STAU1: variants seen among roughly 807,000 people sequenced by gnomAD.
STAU1 encodes double-stranded RNA-binding protein Staufen homolog 1.
A neutral mutation model predicts 62.9 loss-of-function variants in STAU1; 13 were observed. The observed-to-expected ratio is 0.21, with a 90% CI of 0.13 to 0.33. STAU1 has a LOEUF of 0.33. Ranked by LOEUF, STAU1 falls within the 10% of genes least tolerant of loss-of-function variation. The pLI, the probability that STAU1 is intolerant of heterozygous loss-of-function variation, is 1.00. For synonymous variants in STAU1, 269 were observed against 265.1 expected (o/e 1.01, Z -0.14); for missense variants, 571 against 712.1 (o/e 0.80, Z 2.25).
Position 49,123,811 on chromosome 20 carries a change from T to C in STAU1, c.822+564A>G, listed in dbSNP as rs142593570. 2.1e-3 allele frequency among the ~76,000 whole-genome samples: 320 copies of C among 152,294 alleles called. 1 individual carries two copies. The highest frequency in any genetic ancestry group is 7.0e-3 in the African/African-American group (291 of 41,564). On this transcript the variant is annotated intron_variant, in intron 7 of 13. Transcript: ENST00000371856. ...TAGTATGCTTTTATGTAAGAAAAAT[T>C]TGGATCTTGATACAGCATGAAACTA...
chr20:49,209,187 G>A, the STAU1 span, among the ~76,000 whole-genome samples: 6 of 151,232 alleles, frequency 4.0e-5, no homozygotes, highest in Non-Finnish European at 5.9e-5. Context: ...TGCCTGCCTC[G>A]GCCTTCCAAA....
the STAU1 span, among the ~76,000 whole-genome samples, chr20:49,208,016 G>A: frequency 6.6e-6 from 1 of 151,982 alleles, no homozygotes; most frequent in African/African-American, 2.4e-5. Context: ...GAGTAGCTGC[G>A]ATTACAGGTG....
At chr20:49,115,571 G>A (rs989601749) in intron 13 of STAU1, among the ~76,000 whole-genome samples, 2 of 152,138 alleles carry the variant, frequency 1.3e-5, no homozygotes, top group Admixed American at 6.5e-5. Context: ...AAAGTGCTGG[G>A]ATTACAGGTG....
intron 3 of STAU1, 45 bp downstream of exon 3, chr20:49,165,952 T>C: frequency 6.3e-7 from 1 of 1,597,248 alleles, no homozygotes; most frequent in Non-Finnish European, 8.6e-7. Context: ...GAAAACAGGG[T>C]AAGAAAACAT....
intron 1 of STAU1, among the ~76,000 whole-genome samples, chr20:49,183,657 A>C (rs1254718374): frequency 6.6e-6 from 1 of 152,150 alleles, no homozygotes; most frequent in East Asian, 1.9e-4. Context: ...TTTTGATAAC[A>C]CCCAGAATGA....
intron 9 of STAU1, among the ~76,000 whole-genome samples, chr20:49,119,292 C>T (rs2092409542): frequency 6.6e-6 from 1 of 152,148 alleles, no homozygotes; most frequent in East Asian, 1.9e-4. Context: ...CTCAATCCTC[C>T]CATCTCAGCC....
chr20:49,159,143 A>C, intron 3 of STAU1: 1 of 1,078,868 alleles, frequency 9.3e-7, no homozygotes, highest in Non-Finnish European at 1.1e-6. Flanking sequence ...TGAAGGGGAA[A>C]AAGCTAAAAA....
intron 3 of STAU1, chr20:49,158,321 T>G (rs2093396313): frequency 1.5e-6 from 1 of 679,698 alleles, no homozygotes; most frequent in South Asian, 1.7e-5. Context: ...TTTATTCTTC[T>G]GATGTAATCA....
At chr20:49,121,988 G>A (rs188209133) in intron 8 of STAU1, among the ~76,000 whole-genome samples, 347 of 152,234 alleles carry the variant, frequency 2.3e-3, no homozygotes, top group Non-Finnish European at 3.3e-3. Flanking sequence ...TTTCATCTTG[G>A]GCAAACTACT....
intron 1 of STAU1, among the ~76,000 whole-genome samples, chr20:49,185,850 T>C (rs2093779694): frequency 6.6e-6 from 1 of 152,098 alleles, no homozygotes; most frequent in South Asian, 2.1e-4. Context: ...TTATACTGCT[T>C]GTATAGTTGT....
At chr20:49,129,458 T>C (rs2092705957) in intron 6 of STAU1, among the ~76,000 whole-genome samples, 1 of 151,200 alleles carries the variant, frequency 6.6e-6, no homozygotes, top group South Asian at 2.1e-4. Context: ...CACCTAATTT[T>C]TGTATTTTTA....
the STAU1 span, among the ~76,000 whole-genome samples, chr20:49,213,138 T>C: frequency 6.6e-6 from 1 of 152,108 alleles, no homozygotes; most frequent in African/African-American, 2.4e-5. Context: ...CCTGAGTAGC[T>C]GGGATTATAG....
upstream of STAU1, among the ~76,000 whole-genome samples, chr20:49,189,162 C>A (rs1278461659): frequency 5.9e-5 from 7 of 119,076 alleles, no homozygotes; most frequent in Non-Finnish European, 1.1e-4. Context: ...GAGATCGCGC[C>A]GCTGCACTCC....
upstream of STAU1, among the ~76,000 whole-genome samples, chr20:49,188,896 G>T (rs1055759834): frequency 6.6e-6 from 1 of 151,980 alleles, no homozygotes; most frequent in Non-Finnish European, 1.5e-5. Context: ...ATTGAAAAAT[G>T]TGTAGTGAGA....
chr20:49,195,374 A>G, the STAU1 span, among the ~76,000 whole-genome samples: 1 of 151,396 alleles, frequency 6.6e-6, no homozygotes, highest in African/African-American at 2.4e-5. Flanking sequence ...CGTCTCCACT[A>G]AAAATACAAA....
chr20:49,138,493 C>A (rs542485281), intron 5 of STAU1, among the ~76,000 whole-genome samples: 1 of 152,134 alleles, frequency 6.6e-6, no homozygotes, highest in South Asian at 2.1e-4. Flanking sequence ...GGTTTATTAA[C>A]CTACACATAC....
At chr20:49,204,573 G>A in the STAU1 span, among the ~76,000 whole-genome samples, 2 of 116,998 alleles carry the variant, frequency 1.7e-5, no homozygotes, top group African/African-American at 6.5e-5. Flanking sequence ...ATCTCCTTAT[G>A]CAATTGGTGG....
At chr20:49,216,405 G>C in the STAU1 span, among the ~76,000 whole-genome samples, 1 of 151,808 alleles carries the variant, frequency 6.6e-6, no homozygotes, top group Non-Finnish European at 1.5e-5. Context: ...GCGGGTGCCT[G>C]TAATCCCAGC....
chr20:49,164,090 C>A (rs566964699), intron 3 of STAU1, among the ~76,000 whole-genome samples: 4 of 152,042 alleles, frequency 2.6e-5, no homozygotes, highest in South Asian at 2.1e-4. Context: ...AACAGCCGAG[C>A]GTAGTGGCAG....
Sources: gnomAD v4.1 joint callset for allele counts (sites outside exome capture counted in the v4.1 genomes callset) on GRCh38, gnomAD v4.1.1 for gene constraint, MANE v1.5 for transcripts, NCBI Gene and HGNC (gene_info 2026-07-23, HGNC 2026-07-21) for gene names.